The following RARB variants were observed in gnomAD, a reference collection of about 807,000 sequenced individuals.
The protein encoded by RARB is HBV-activated protein.
In RARB, 17 loss-of-function variants were observed where a neutral mutation model predicts 51.9. That is an observed-to-expected ratio of 0.33 (90% CI 0.22 to 0.49). RARB has a LOEUF of 0.49. Ranked by LOEUF, RARB falls within the 20% of genes least tolerant of loss-of-function variation. The pLI, the probability that RARB is intolerant of heterozygous loss-of-function variation, is 0.99. For missense variants in RARB, 369 were observed against 550.8 expected (o/e 0.67, Z 3.30); for synonymous variants, 215 against 195.4 (o/e 1.10, Z -0.84).
chr3:25,114,464 C>A (rs1285878143), intron 3 of RARB, among the ~76,000 whole-genome samples: 1 of 152,142 alleles, frequency 6.6e-6, no homozygotes, highest in Non-Finnish European at 1.5e-5. Flanking sequence ...AAATGATGAT[C>A]CCATCTTGTA....
chr3:25,164,271 G>T (rs1575190013), intron 4 of RARB, among the ~76,000 whole-genome samples: 1 of 152,296 alleles, frequency 6.6e-6, no homozygotes, highest in East Asian at 1.9e-4. Flanking sequence ...ATCACCCATA[G>T]CCCACTGGAT....
intron 2 of RARB, among the ~76,000 whole-genome samples, chr3:25,498,891 A>T (rs1466000806): frequency 6.6e-6 from 1 of 151,764 alleles, no homozygotes; most frequent in African/African-American, 2.4e-5. Flanking sequence ...GTAGGGAAAG[A>T]TATGTTTTTA....
intron 3 of RARB, among the ~76,000 whole-genome samples, chr3:25,536,341 C>T (rs1394198434): frequency 6.6e-6 from 1 of 152,112 alleles, no homozygotes; most frequent in East Asian, 1.9e-4. Context: ...GCTAAAGACA[C>T]GACACTGGAA....
intron 2 of RARB, among the ~76,000 whole-genome samples, chr3:24,973,824 C>T (rs1352492562): frequency 2.0e-5 from 3 of 151,834 alleles, no homozygotes; most frequent in Non-Finnish European, 2.9e-5. Context: ...TTACTGAATT[C>T]GTTTATGAGC....
intron 2 of RARB, among the ~76,000 whole-genome samples, chr3:24,996,318 T>A (rs1295917220): frequency 6.6e-6 from 1 of 152,072 alleles, no homozygotes; most frequent in Non-Finnish European, 1.5e-5. Flanking sequence ...CATTTTTTAA[T>A]TTCTGATTTT....
At chr3:25,445,049 A>G (rs531260409) in intron 1 of RARB, among the ~76,000 whole-genome samples, 1 of 152,144 alleles carries the variant, frequency 6.6e-6, no homozygotes, top group South Asian at 2.1e-4. Flanking sequence ...TCCCGGGTTC[A>G]AGTGATTCTC....
intron 2 of RARB, among the ~76,000 whole-genome samples, chr3:24,942,186 C>T (rs570562338): frequency 9.2e-5 from 14 of 152,302 alleles, no homozygotes; most frequent in Admixed American, 2.6e-4. Flanking sequence ...GTTCCTGGTT[C>T]AACTAAAGAT....
intron 2 of RARB, among the ~76,000 whole-genome samples, chr3:25,490,269 C>A (rs1696665991): frequency 6.6e-6 from 1 of 152,220 alleles, no homozygotes; most frequent in Middle Eastern, 3.4e-3. Flanking sequence ...AAAAAATGCA[C>A]CAAGCTCTAG....
At chr3:25,080,572 A>C (rs1046448231) in intron 3 of RARB, among the ~76,000 whole-genome samples, 1 of 152,148 alleles carries the variant, frequency 6.6e-6, no homozygotes, top group Non-Finnish European at 1.5e-5. Flanking sequence ...TATCCTTGTC[A>C]GCACTTATTT....
chr3:25,289,819 G>A (rs1703743919), intron 5 of RARB, among the ~76,000 whole-genome samples: 1 of 152,084 alleles, frequency 6.6e-6, no homozygotes, highest in African/African-American at 2.4e-5. Context: ...GATAATTTTT[G>A]GAAATCAACC....
intron 2 of RARB, among the ~76,000 whole-genome samples, chr3:25,050,902 C>T (rs958673853): frequency 1.3e-5 from 2 of 152,320 alleles, no homozygotes; most frequent in South Asian, 2.1e-4. Context: ...ATCCACTCCT[C>T]TTCAACTCAA....
intron 3 of RARB, among the ~76,000 whole-genome samples, chr3:25,502,376 T>G (rs1358969425): frequency 6.6e-6 from 1 of 152,182 alleles, no homozygotes; most frequent in Non-Finnish European, 1.5e-5. Flanking sequence ...GTAAAGCCCC[T>G]GTAGCCAACC....
chr3:25,240,077 G>A (rs556324811), intron 5 of RARB, among the ~76,000 whole-genome samples: 7 of 149,254 alleles, frequency 4.7e-5, no homozygotes, highest in Non-Finnish European at 7.5e-5. Flanking sequence ...TTTTGGGTTT[G>A]TTTGTTTGTT....
intron 4 of RARB, among the ~76,000 whole-genome samples, chr3:25,154,921 G>C (rs1020425829): frequency 5.9e-5 from 9 of 152,142 alleles, no homozygotes; most frequent in African/African-American, 1.9e-4. Context: ...AGGAAGCAGG[G>C]GTGGCATGAG....
At chr3:25,534,378 A>G (rs1160221948) in intron 3 of RARB, among the ~76,000 whole-genome samples, 5 of 152,182 alleles carry the variant, frequency 3.3e-5, no homozygotes, top group Non-Finnish European at 5.9e-5. Flanking sequence ...TATTATTACT[A>G]TTATTAATGG....
At position 24,980,551 on chromosome 3, in the gene RARB, C is replaced by G. The variant is rs116660275; in HGVS notation, c.-379-79574C>G. ...AATTCGATCCTTTCTTCCACTTGAT[C>G]GAATCGGCTTGTGAAGCTTGTGTAT... On this transcript the variant is annotated intron_variant, in intron 2 of 11. Transcript: ENST00000383772. Among the ~76,000 whole-genome samples the G allele has an allele frequency of 3.3e-5, 5 of 152,214 alleles. No individual in the cohort carries two copies. In the South Asian group the frequency reaches 8.3e-4, roughly 25 times the overall value.
At chr3:25,458,150 A>G (rs1208959292) in intron 1 of RARB, among the ~76,000 whole-genome samples, 2 of 152,232 alleles carry the variant, frequency 1.3e-5, no homozygotes, top group Non-Finnish European at 2.9e-5. Flanking sequence ...ACACTTCAGT[A>G]ATGTATTTGA....
chr3:25,415,999 C>T (rs1440892282), intron 5 of RARB, among the ~76,000 whole-genome samples: 37 of 152,168 alleles, frequency 2.4e-4, no homozygotes, highest in Admixed American at 6.5e-5. Context: ...CAGCAATGGA[C>T]ATGACCTAGA....
At chr3:25,314,137 C>G (rs1486389498) in intron 5 of RARB, among the ~76,000 whole-genome samples, 3 of 151,616 alleles carry the variant, frequency 2.0e-5, no homozygotes, top group Non-Finnish European at 2.9e-5. Context: ...AAATTTACTC[C>G]AAATTTTAAA....
Sources: gnomAD v4.1 joint callset for allele counts (sites outside exome capture counted in the v4.1 genomes callset) on GRCh38, gnomAD v4.1.1 for gene constraint, MANE v1.5 for transcripts, NCBI Gene and HGNC (gene_info 2026-07-23, HGNC 2026-07-21) for gene names.